SGCD: variants seen among roughly 807,000 people sequenced by gnomAD.
The protein encoded by SGCD is sarcoglycan delta.
SGCD carries 18 observed loss-of-function variants against 36.6 expected under a neutral mutation model. That is an observed-to-expected ratio of 0.49 (90% CI 0.34 to 0.73). The LOEUF is 0.73. Among genes scored for constraint, SGCD ranks in the 30% least tolerant of loss-of-function variants. SGCD has a pLI of 0.01. For synonymous variants in SGCD, 133 were observed against 130.6 expected, an observed-to-expected ratio of 1.02 and a Z score of -0.12; for missense variants, 387 against 346.7, an observed-to-expected ratio of 1.12 and a Z score of -0.92.
intron 3 of SGCD, among the ~76,000 whole-genome samples, chr5:156,313,461 G>A (rs1046242869): frequency 2.6e-5 from 4 of 152,024 alleles, no homozygotes; most frequent in Non-Finnish European, 4.4e-5. Context: ...CATTAAAGCA[G>A]CTAGTACACA....
chr5:156,683,856 G>C (rs1037411709), intron 7 of SGCD, among the ~76,000 whole-genome samples: 1 of 152,194 alleles, frequency 6.6e-6, no homozygotes, highest in Non-Finnish European at 1.5e-5. Flanking sequence ...AGCACACAGA[G>C]ACATCTAATG....
intron 3 of SGCD, among the ~76,000 whole-genome samples, chr5:156,242,245 C>T (rs997243239): frequency 1.1e-4 from 17 of 152,090 alleles, no homozygotes; most frequent in Non-Finnish European, 1.5e-5. Flanking sequence ...GAGTAAAAAA[C>T]AAGTCAGTCT....
chr5:156,588,160 T>C (rs913866749), intron 4 of SGCD, among the ~76,000 whole-genome samples: 5 of 151,920 alleles, frequency 3.3e-5, no homozygotes, highest in African/African-American at 9.7e-5. Context: ...AAATGACAAC[T>C]TCTAAACCAA....
chr5:156,611,839 T>C (rs1196383310), intron 6 of SGCD, among the ~76,000 whole-genome samples: 2 of 152,248 alleles, frequency 1.3e-5, no homozygotes, highest in Non-Finnish European at 2.9e-5. Flanking sequence ...TCAAAAATTC[T>C]TTCTTATGCT....
At chr5:156,401,282 G>A (rs1184935909) in intron 3 of SGCD, among the ~76,000 whole-genome samples, 4 of 152,298 alleles carry the variant, frequency 2.6e-5, no homozygotes, top group Admixed American at 2.0e-4. Context: ...GGCTGATGAC[G>A]AGACAGAGCT....
chr5:155,890,684 A>T (rs1266276260), intron 1 of SGCD, among the ~76,000 whole-genome samples: 6 of 152,136 alleles, frequency 3.9e-5, no homozygotes, highest in Non-Finnish European at 8.8e-5. Context: ...AGATAGACAG[A>T]TAGATAGGAG....
intron 1 of SGCD, among the ~76,000 whole-genome samples, chr5:156,048,999 G>A (rs1349645936): frequency 6.8e-6 from 1 of 147,120 alleles, no homozygotes; most frequent in African/African-American, 2.4e-5. Flanking sequence ...ATTAATTTTT[G>A]TATAAGGTGT....
intron 1 of SGCD, among the ~76,000 whole-genome samples, chr5:155,936,936 G>A (rs1166351840): frequency 6.6e-6 from 1 of 152,116 alleles, no homozygotes; most frequent in African/African-American, 2.4e-5. Flanking sequence ...CCGGGTGTGC[G>A]CACACCTGGC....
intron 3 of SGCD, among the ~76,000 whole-genome samples, chr5:156,372,178 T>C (rs1282121002): frequency 6.6e-6 from 1 of 152,200 alleles, no homozygotes; most frequent in Non-Finnish European, 1.5e-5. Context: ...TGTGTGAAAT[T>C]ATAATGGAAA....
intron 6 of SGCD, among the ~76,000 whole-genome samples, chr5:156,609,909 G>T (rs1179723442): frequency 6.6e-6 from 1 of 152,062 alleles, no homozygotes; most frequent in East Asian, 1.9e-4. Context: ...GTCCTTTAAG[G>T]ACTTCTCTGC....
intron 4 of SGCD, among the ~76,000 whole-genome samples, chr5:156,536,912 C>T (rs1187905803): frequency 6.6e-6 from 1 of 152,156 alleles, no homozygotes; most frequent in African/African-American, 2.4e-5. Flanking sequence ...GATGTGCGAG[C>T]TGCTTTCCAT....
At chr5:156,122,620 G>A (rs112955721) in intron 2 of SGCD, among the ~76,000 whole-genome samples, 5 of 151,894 alleles carry the variant, frequency 3.3e-5, no homozygotes, top group African/African-American at 1.2e-4. Context: ...TGGAAGATGA[G>A]GACGGTGGTA....
intron 1 of SGCD, among the ~76,000 whole-genome samples, chr5:156,006,600 A>G (rs1758764686): frequency 6.6e-6 from 1 of 152,170 alleles, no homozygotes; most frequent in Admixed American, 6.5e-5. Context: ...AAAGGAAAAA[A>G]TCCTTCTCCC....
At chr5:155,756,573 A>G in the SGCD span, among the ~76,000 whole-genome samples, 2 of 152,212 alleles carry the variant, frequency 1.3e-5, no homozygotes, top group African/African-American at 4.8e-5. Context: ...CAGTGAGATT[A>G]TATTTACAAA....
At chr5:155,917,950 C>T (rs181813988) in intron 1 of SGCD, among the ~76,000 whole-genome samples, 22 of 152,254 alleles carry the variant, frequency 1.4e-4, no homozygotes, top group Admixed American at 1.3e-3. Flanking sequence ...GTTTCATTTA[C>T]CCTGTTAGGA....
chr5:155,984,939 A>G (rs1758300723), intron 1 of SGCD, among the ~76,000 whole-genome samples: 3 of 152,316 alleles, frequency 2.0e-5, no homozygotes, highest in Admixed American at 6.5e-5. Context: ...GCTCATCACT[A>G]TGAGATTAAT....
chr5:156,212,179 T>A (rs1005062711), intron 3 of SGCD, among the ~76,000 whole-genome samples: 1 of 152,192 alleles, frequency 6.6e-6, no homozygotes, highest in Non-Finnish European at 1.5e-5. Flanking sequence ...CTACCTTGAT[T>A]GCAAATTGAT....
At chr5:156,308,474 A>G (rs983052345) in intron 3 of SGCD, among the ~76,000 whole-genome samples, 7 of 151,908 alleles carry the variant, frequency 4.6e-5, no homozygotes, top group African/African-American at 1.7e-4. Context: ...AATTTTTTGT[A>G]TTTTTAGTAG....
At chr5:156,719,508 T>C (rs1203555784) in intron 7 of SGCD, among the ~76,000 whole-genome samples, 1 of 152,160 alleles carries the variant, frequency 6.6e-6, no homozygotes, top group Non-Finnish European at 1.5e-5. Context: ...GATTGTAACC[T>C]GAATGAGGGC....
Sources: gnomAD v4.1 joint callset for allele counts (sites outside exome capture counted in the v4.1 genomes callset) on GRCh38, gnomAD v4.1.1 for gene constraint, MANE v1.5 for transcripts, NCBI Gene and HGNC (gene_info 2026-07-23, HGNC 2026-07-21) for gene names.